The following NAV2 variants were observed in gnomAD, a reference collection of about 807,000 sequenced individuals.
The protein encoded by NAV2 is helicase, APC down-regulated 1.
NAV2 carries 54 observed loss-of-function variants against 223.2 expected under a neutral mutation model. That is an observed-to-expected ratio of 0.24 (90% confidence interval 0.19 to 0.30). The LOEUF is 0.30. Among genes scored for constraint, NAV2 ranks in the 10% least tolerant of loss-of-function variants. The pLI, the probability that NAV2 is intolerant of heterozygous loss-of-function variation, is 1.00. For synonymous variants in NAV2, 1,279 were observed against 1,239.3 expected (o/e 1.03, Z -0.67); for missense variants, 2,806 against 3,147.5 (o/e 0.89, Z 2.60).
intron 5 of NAV2, among the ~76,000 whole-genome samples, chr11:19,887,519 G>A (rs2041115756): frequency 6.6e-6 from 1 of 152,046 alleles, no homozygotes; most frequent in South Asian, 2.1e-4. Flanking sequence ...GTCTTGCCTT[G>A]CTCACAGCAT....
At chr11:19,864,875 C>T (rs563441959) in intron 3 of NAV2, among the ~76,000 whole-genome samples, 20 of 152,274 alleles carry the variant, frequency 1.3e-4, no homozygotes, top group African/African-American at 2.4e-4. Context: ...TCTCTGCTCC[C>T]GGAGTCTCCA....
At chr11:19,878,674 T>C (rs2063007257) in intron 4 of NAV2, among the ~76,000 whole-genome samples, 1 of 152,144 alleles carries the variant, frequency 6.6e-6, no homozygotes, top group African/African-American at 2.4e-5. Flanking sequence ...CCAAGGGAAA[T>C]AATTCAGCCT....
intron 11 of NAV2, among the ~76,000 whole-genome samples, chr11:19,990,439 G>A (rs2051218302): frequency 6.6e-6 from 1 of 152,164 alleles, no homozygotes; most frequent in Non-Finnish European, 1.5e-5. Flanking sequence ...AATTGCTAGA[G>A]GTTCTCTACC....
At position 19,454,020 on chromosome 11, in the gene NAV2, C is replaced by T. The variant is rs1590231633; in HGVS notation, c.75+102993C>T. On this transcript the variant is annotated intron_variant, in intron 1 of 37. Transcript: ENST00000360655. The stretch of plus-strand genomic sequence containing the variant: ...CACCATCCGCTGCCACCGCCTTGGA[C>T]GTAGATTCTGCTCACGGAGATGTGC... Among the ~76,000 whole-genome samples, 6 of 152,280 alleles carry T rather than the reference C, an allele frequency of 3.9e-5. No individual in the cohort carries two copies. In the South Asian group the frequency reaches 1.0e-3, roughly 26 times the overall value.
intron 10 of NAV2, among the ~76,000 whole-genome samples, chr11:19,954,895 GTATA>G (rs959017960): frequency 5.7e-5 from 8 of 140,394 alleles, no homozygotes; most frequent in African/African-American, 2.3e-4. Flanking sequence ...GTATGTATGT[GTATA>G]TATATGTGTA....
At chr11:19,650,192 G>A (rs114460095) in intron 1 of NAV2, among the ~76,000 whole-genome samples, 11 of 152,310 alleles carry the variant, frequency 7.2e-5, no homozygotes, top group South Asian at 6.2e-4. Context: ...AAGTTGGGCC[G>A]TAATCCAATA....
chr11:19,466,983 C>CCACA (rs1852373557), intron 1 of NAV2, among the ~76,000 whole-genome samples: 1 of 71,320 alleles, frequency 1.4e-5, no homozygotes, highest in African/African-American at 4.4e-5. Flanking sequence ...CTCTCTCTCT[C>CCACA]TACACACACA....
chr11:19,788,941 A>G (rs2057333218), intron 1 of NAV2, among the ~76,000 whole-genome samples: 1 of 152,090 alleles, frequency 6.6e-6, no homozygotes, highest in Non-Finnish European at 1.5e-5. Context: ...CCTTCATAAC[A>G]TCTATGCCAG....
At chr11:19,497,836 T>C (rs2042845866) in intron 1 of NAV2, among the ~76,000 whole-genome samples, 1 of 152,042 alleles carries the variant, frequency 6.6e-6, no homozygotes, top group South Asian at 2.1e-4. Context: ...CTGTGTTAAG[T>C]CAGGGATTGC....
At chr11:20,087,180 A>G (rs571768581) in intron 26 of NAV2, among the ~76,000 whole-genome samples, 26 of 152,252 alleles carry the variant, frequency 1.7e-4, no homozygotes, top group African/African-American at 6.0e-4. Context: ...ACGGGGCCAG[A>G]TGCTGCTGGG....
At chr11:19,454,809 G>C (rs892820981) in intron 1 of NAV2, among the ~76,000 whole-genome samples, 1 of 152,158 alleles carries the variant, frequency 6.6e-6, no homozygotes, top group Non-Finnish European at 1.5e-5. Flanking sequence ...GGGGAGTGTT[G>C]GGAGGTGGGA....
At chr11:19,418,047 A>G (rs1018490238) in intron 1 of NAV2, among the ~76,000 whole-genome samples, 3 of 152,294 alleles carry the variant, frequency 2.0e-5, no homozygotes, top group Admixed American at 6.5e-5. Flanking sequence ...CCAGCAAACC[A>G]TCATGGCATG....
At chr11:19,498,370 T>C (rs2042864247) in intron 1 of NAV2, among the ~76,000 whole-genome samples, 2 of 152,238 alleles carry the variant, frequency 1.3e-5, no homozygotes, top group African/African-American at 4.8e-5. Context: ...GTTTGAACTG[T>C]GGCTTTTTTG....
intron 6 of NAV2, among the ~76,000 whole-genome samples, chr11:19,918,045 C>T (rs911519828): frequency 6.6e-6 from 1 of 152,228 alleles, no homozygotes; most frequent in African/African-American, 2.4e-5. Context: ...AATGACTCAA[C>T]CTCTCTGAGC....
At chr11:19,900,261 A>G (rs1166926669) in intron 6 of NAV2, among the ~76,000 whole-genome samples, 2 of 92,890 alleles carry the variant, frequency 2.2e-5, no homozygotes, top group Non-Finnish European at 3.0e-5. Flanking sequence ...GACTTCACAG[A>G]TCACTGGAGG....
chr11:19,832,696 G>A, intron 2 of NAV2, 95 bp downstream of exon 2: 1 of 957,172 alleles, frequency 1.0e-6, no homozygotes, highest in Non-Finnish European at 1.7e-6. Context: ...TCTCTCAGAA[G>A]GCAGCTTTCT....
intron 3 of NAV2, among the ~76,000 whole-genome samples, chr11:19,845,459 T>C (rs1338376046): frequency 1.3e-5 from 2 of 151,980 alleles, no homozygotes; most frequent in African/African-American, 2.4e-5. Flanking sequence ...GAAAAAAAAA[T>C]AATCAGCATA....
At chr11:19,559,935 C>T (rs1368469136) in intron 1 of NAV2, among the ~76,000 whole-genome samples, 1 of 152,120 alleles carries the variant, frequency 6.6e-6, no homozygotes, top group African/African-American at 2.4e-5. Flanking sequence ...TGGAGTGCTG[C>T]CTGGTGTACC....
chr11:19,645,220 C>T (rs141170361), intron 1 of NAV2, among the ~76,000 whole-genome samples: 1 of 152,210 alleles, frequency 6.6e-6, no homozygotes, highest in Non-Finnish European at 1.5e-5. Context: ...CTTGTGGCCC[C>T]TTCCTCCATC....
Sources: gnomAD v4.1 joint callset for allele counts (sites outside exome capture counted in the v4.1 genomes callset) on GRCh38, gnomAD v4.1.1 for gene constraint, MANE v1.5 for transcripts, NCBI Gene and HGNC (gene_info 2026-07-23, HGNC 2026-07-21) for gene names.